Variants in SAMMSON observed in about 807,000 individuals in gnomAD.
SAMMSON encodes the protein long intergenic non-protein coding RNA 1212.
intron 4 of SAMMSON, among the ~76,000 whole-genome samples, chr3:70,101,219 G>T (rs1356307741): frequency 2.0e-5 from 3 of 152,116 alleles, no homozygotes; most frequent in Non-Finnish European, 4.4e-5. Context: ...ATAGATAAAT[G>T]AGTAGTGCTA....
At chr3:70,033,888 G>A (rs1279608043) in intron 3 of SAMMSON, among the ~76,000 whole-genome samples, 5 of 152,148 alleles carry the variant, frequency 3.3e-5, no homozygotes, top group Admixed American at 2.6e-4. Context: ...AAAGGAGGAT[G>A]TCAGAGGATG....
intron 3 of SAMMSON, among the ~76,000 whole-genome samples, chr3:70,016,863 T>C (rs183324486): frequency 0.016 from 2,416 of 152,282 alleles, 38 homozygotes; most frequent in Middle Eastern, 0.051. Context: ...CCATTTCTTG[T>C]TTTTGTCAGG....
At chr3:70,396,716 G>A (rs1437347353) in intron 2 of SAMMSON, among the ~76,000 whole-genome samples, 1 of 152,186 alleles carries the variant, frequency 6.6e-6, no homozygotes, top group African/African-American at 2.4e-5. Flanking sequence ...GTTACATAAG[G>A]CAAGCTATAA....
chr3:70,407,798 C>T (rs1559582878), intron 2 of SAMMSON, among the ~76,000 whole-genome samples: 1 of 152,224 alleles, frequency 6.6e-6, no homozygotes, highest in Non-Finnish European at 1.5e-5. Context: ...CTCACAGCTC[C>T]ACTAGGTGGT....
chr3:70,308,053 A>ATATTT (rs1215358934), intron 7 of SAMMSON, among the ~76,000 whole-genome samples: 1 of 151,776 alleles, frequency 6.6e-6, no homozygotes, highest in Non-Finnish European at 1.5e-5. Context: ...CCTGGTGCAT[A>ATATTT]TATTTTATTT....
At chr3:70,338,264 T>C (rs982123594) in intron 7 of SAMMSON, among the ~76,000 whole-genome samples, 5 of 152,050 alleles carry the variant, frequency 3.3e-5, no homozygotes, top group Non-Finnish European at 5.9e-5. Context: ...TTATTCTTTC[T>C]TTTCTTTTTA....
chr3:70,224,832 C>CA (rs1444625215), intron 4 of SAMMSON, among the ~76,000 whole-genome samples: 1 of 151,920 alleles, frequency 6.6e-6, no homozygotes, highest in Non-Finnish European at 1.5e-5. Context: ...TTTCCCCCCC[C>CA]ACACCTCACC....
chr3:70,356,045 T>C (rs907293586), intron 8 of SAMMSON, among the ~76,000 whole-genome samples: 5 of 152,190 alleles, frequency 3.3e-5, no homozygotes, highest in Non-Finnish European at 5.9e-5. Flanking sequence ...AGTTCTGAAA[T>C]GATTTGTTCC....
chr3:70,109,592 G>A (rs2067380191), intron 4 of SAMMSON, among the ~76,000 whole-genome samples: 1 of 152,134 alleles, frequency 6.6e-6, no homozygotes. Flanking sequence ...CCTCGTATGA[G>A]TATGTGTGTC....
intron 7 of SAMMSON, among the ~76,000 whole-genome samples, chr3:70,338,856 C>A (rs1702686888): frequency 6.6e-6 from 1 of 152,130 alleles, no homozygotes; most frequent in African/African-American, 2.4e-5. Flanking sequence ...AATGACATCC[C>A]CATCAAGCTA....
intron 4 of SAMMSON, among the ~76,000 whole-genome samples, chr3:70,164,810 G>A (rs1013773604): frequency 1.3e-5 from 2 of 152,002 alleles, no homozygotes; most frequent in African/African-American, 4.8e-5. Context: ...AGCAAACTCC[G>A]TGTACATTTT....
chr3:70,306,193 T>C (rs1012404904), intron 7 of SAMMSON, among the ~76,000 whole-genome samples: 1 of 152,132 alleles, frequency 6.6e-6, no homozygotes, highest in African/African-American at 2.4e-5. Context: ...AACCTCCGCC[T>C]CCTAGTTTCA....
In SAMMSON at chr3:70,199,601, C is replaced by T. The variant is rs150193957; in HGVS notation, n.508-49506C>T. Among the ~76,000 whole-genome samples, 510 of 152,222 alleles carry T rather than the reference C, an allele frequency of 3.4e-3. 4 individuals carry two copies. The highest frequency in any genetic ancestry group is 0.017 in the South Asian group (81 of 4,822). On this transcript the variant is annotated intron_variant and non_coding_transcript_variant, in intron 4 of 9. Transcript: ENST00000642114. ...CTTTCAAGTGAGTTCCACACTTTTC[C>T]TAAAAGGCATGTTAAATAGTTCTAC...
intron 4 of SAMMSON, among the ~76,000 whole-genome samples, chr3:70,175,216 G>T (rs1287769690): frequency 6.6e-6 from 1 of 152,088 alleles, no homozygotes; most frequent in Non-Finnish European, 1.5e-5. Context: ...ATGACCATAA[G>T]TTGGCTGCCA....
At chr3:70,211,554 TC>T in intron 4 of SAMMSON, among the ~76,000 whole-genome samples, 2 of 62,394 alleles carry the variant, frequency 3.2e-5, no homozygotes, top group Non-Finnish European at 6.8e-5. Flanking sequence ...TCCCTTCCCT[TC>T]CCTTTGCCCT....
chr3:70,158,359 A>G (rs1291998795), intron 4 of SAMMSON, among the ~76,000 whole-genome samples: 1 of 152,102 alleles, frequency 6.6e-6, no homozygotes, highest in Non-Finnish European at 1.5e-5. Context: ...TTTGAGGTTC[A>G]TCAGTGCTCT....
chr3:70,415,843 C>T (rs1701260828), intron 2 of SAMMSON, among the ~76,000 whole-genome samples: 1 of 152,148 alleles, frequency 6.6e-6, no homozygotes, highest in African/African-American at 2.4e-5. Context: ...CCGAGCTACC[C>T]TTTAATTATG....
chr3:70,129,150 CA>C (rs1350401259), intron 4 of SAMMSON, among the ~76,000 whole-genome samples: 1 of 152,136 alleles, frequency 6.6e-6, no homozygotes, highest in African/African-American at 2.4e-5. Context: ...TCTGATTTAA[CA>C]TTTTGATAAA....
At chr3:70,172,189 G>A (rs1700962532) in intron 4 of SAMMSON, 1 of 151,440 alleles carries the variant, frequency 6.6e-6, no homozygotes, top group Admixed American at 6.6e-5. Context: ...GGTAACCACA[G>A]GCCAGGTAAA....
Sources: gnomAD v4.1 joint callset for allele counts (sites outside exome capture counted in the v4.1 genomes callset) on GRCh38, gnomAD v4.1.1 for gene constraint, MANE v1.5 for transcripts, NCBI Gene and HGNC (gene_info 2026-07-23, HGNC 2026-07-21) for gene names.